Variants in FRK observed in about 807,000 individuals in gnomAD.
FRK encodes tyrosine-protein kinase FRK.
In FRK, 51 loss-of-function variants were observed where a neutral mutation model predicts 56.4. The ratio of observed to expected loss-of-function variants is 0.90; its 90% confidence interval spans 0.72 to 1.14. FRK has a LOEUF of 1.14. FRK is among the 50% of genes most tolerant of loss of function. The probability of loss-of-function intolerance (pLI) is 0.00; values close to 1 mark genes in which losing one functional copy is unlikely to be tolerated. For missense variants in FRK, 570 were observed against 601.4 expected, an observed-to-expected ratio of 0.95 and a Z score of 0.55; for synonymous variants, 245 against 217.9, an observed-to-expected ratio of 1.12 and a Z score of -1.10.
At chr6:115,980,327 ATTATC>A (rs1249826778) in intron 2 of FRK, among the ~76,000 whole-genome samples, 1 of 152,162 alleles carries the variant, frequency 6.6e-6, no homozygotes, top group African/African-American at 2.4e-5. Flanking sequence ...AATTGTAAAA[ATTATC>A]TAGCAGCAAG....
chr6:115,982,371 C>T (rs1319851952), intron 2 of FRK, among the ~76,000 whole-genome samples: 3 of 152,136 alleles, frequency 2.0e-5, no homozygotes, highest in Non-Finnish European at 4.4e-5. Flanking sequence ...TGGGACCTCT[C>T]AGCCTCCACA....
At chr6:115,977,623 A>G (rs1674582972) in intron 2 of FRK, among the ~76,000 whole-genome samples, 1 of 152,160 alleles carries the variant, frequency 6.6e-6, no homozygotes, top group African/African-American at 2.4e-5. Context: ...CAGGGTTGTT[A>G]CTGGTCAAGA....
chr6:116,004,078 T>C, intron 1 of FRK, 80 bp from the exon 2 acceptor site: 2 of 1,253,048 alleles, frequency 1.6e-6, no homozygotes, highest in East Asian at 4.7e-5. Flanking sequence ...CAAGATAGTA[T>C]TCTAATATCA....
the FRK span, among the ~76,000 whole-genome samples, chr6:116,094,320 C>T: frequency 5.7e-3 from 872 of 152,298 alleles, 32 homozygotes; most frequent in East Asian, 0.095. Context: ...CACTGAGCCC[C>T]GGGTACATTT....
At chr6:116,030,398 T>A (rs1776259453) in intron 1 of FRK, among the ~76,000 whole-genome samples, 1 of 152,148 alleles carries the variant, frequency 6.6e-6, no homozygotes, top group African/African-American at 2.4e-5. Context: ...AGCGCTCCTA[T>A]CACTCAGAAA....
Position 115,956,575 on chromosome 6 carries a change from G to A in FRK, c.835C>T (p.Gln279Ter), listed in dbSNP as rs1773002430. 2 of 1,585,376 alleles carry A rather than the reference G, an allele frequency of 1.3e-6. No individual in the cohort carries two copies. The highest frequency in any genetic ancestry group is 1.7e-6 in the Non-Finnish European group (2 of 1,167,034). The change falls in exon 5 of 8, where the codon CAG becomes TAG. Residue 279 changes from glutamine to a stop codon, truncating the protein, a stop_gained. Transcript: ENST00000606080. LOFTEE classifies it high-confidence loss of function. Reference sequence around the variant, plus strand: ...GGATGTCTTAGGTTCTTCATTATCTGTGCCTCCCTCAGGAAGTCATTTGGA... The same window carrying A: ...GGATGTCTTAGGTTCTTCATTATCTATGCCTCCCTCAGGAAGTCATTTGGA... ...MDPNDFLREAQIMKNLRHPKL... is the reference protein window; with the variant it reads ...MDPNDFLREA
Position 116,044,610 on chromosome 6 carries a change from A to G in FRK, c.344+15358T>C, listed in dbSNP as rs542122561. ...AAAATAATAAGAGCGATTTATGACAAACCCACAGCCAATATCATACTGAAC... is the reference window on the plus strand; with the variant it reads ...AAAATAATAAGAGCGATTTATGACAGACCCACAGCCAATATCATACTGAAC... On this transcript the variant is annotated intron_variant, in intron 1 of 7. Coordinates refer to ENST00000606080, the MANE Select transcript of FRK (RefSeq NM_002031.3). Among the ~76,000 whole-genome samples the G allele has an allele frequency of 7.2e-5, 11 of 152,328 alleles. No homozygotes were observed. In the South Asian group the frequency reaches 2.3e-3, roughly 32 times the overall value.
intron 1 of FRK, among the ~76,000 whole-genome samples, chr6:116,004,608 A>G (rs1163371957): frequency 1.3e-5 from 2 of 152,224 alleles, no homozygotes; most frequent in African/African-American, 2.4e-5. Flanking sequence ...ATTATCTGAA[A>G]AAGATACATC....
chr6:115,935,294 G>A lies in FRK; in HGVS notation c.*7120C>T, dbSNP rs1429527872. 6.6e-6 allele frequency: 1 copy of A among 152,380 alleles called. No homozygotes were observed. The highest frequency in any genetic ancestry group is 2.4e-5 in the African/African-American group (1 of 41,462). 9.4% of individuals were successfully genotyped at this position (152,380 alleles called of 1,614,324 possible). A position where few individuals can be genotyped will look rare whatever the true frequency, so the allele number is the denominator to read the frequency against. On this transcript the variant is annotated 3_prime_UTR_variant, in exon 8 of 8. Transcript: ENST00000606080. Reference sequence around the variant, plus strand: ...AGGGAAGCCATGAGGGACTGTACCTGAGGAACGGTGCACTCCAGCCCAGAT... The same window carrying A: ...AGGGAAGCCATGAGGGACTGTACCTAAGGAACGGTGCACTCCAGCCCAGAT...
the FRK span, among the ~76,000 whole-genome samples, chr6:116,085,215 A>G: frequency 6.6e-6 from 1 of 152,202 alleles, no homozygotes; most frequent in Non-Finnish European, 1.5e-5. Context: ...TTTTAAAGAA[A>G]TGGGAAGTGT....
At chr6:116,055,357 A>C (rs1777350013) in intron 1 of FRK, among the ~76,000 whole-genome samples, 1 of 152,204 alleles carries the variant, frequency 6.6e-6, no homozygotes, top group African/African-American at 2.4e-5. Context: ...AGTTACAAAT[A>C]TTTATTCTTG....
chr6:116,008,994 A>C (rs1775363087), intron 1 of FRK, among the ~76,000 whole-genome samples: 1 of 152,212 alleles, frequency 6.6e-6, no homozygotes, highest in African/African-American at 2.4e-5. Context: ...CAGCCTCCCA[A>C]GCCAGAGTAT....
chr6:115,992,989 G>A (rs556985047), intron 2 of FRK, among the ~76,000 whole-genome samples: 1 of 151,910 alleles, frequency 6.6e-6, no homozygotes, highest in Non-Finnish European at 1.5e-5. Flanking sequence ...ATTCGAGTAT[G>A]AACTCTAATA....
intron 1 of FRK, among the ~76,000 whole-genome samples, chr6:116,059,163 G>A (rs1034805300): frequency 2.0e-5 from 3 of 151,986 alleles, no homozygotes; most frequent in African/African-American, 7.3e-5. Context: ...TTGGAGGGGT[G>A]GTAGGTGGAT....
chr6:115,979,508 G>A (rs1774121059), intron 2 of FRK, among the ~76,000 whole-genome samples: 1 of 151,992 alleles, frequency 6.6e-6, no homozygotes, highest in South Asian at 2.1e-4. Flanking sequence ...GTAAGCTAAA[G>A]TTCATTTACC....
the FRK span, among the ~76,000 whole-genome samples, chr6:116,068,832 T>A: frequency 1.3e-5 from 2 of 150,954 alleles, no homozygotes; most frequent in South Asian, 2.1e-4. Flanking sequence ...TCAATTCAGG[T>A]TTAAAAAAAA....
intron 1 of FRK, among the ~76,000 whole-genome samples, chr6:116,017,892 C>A (rs1429607539): frequency 6.6e-6 from 1 of 152,192 alleles, no homozygotes; most frequent in Non-Finnish European, 1.5e-5. Context: ...CTGCCTCACA[C>A]TGGACCCCAC....
rs1775587249 is a variant in FRK, at chr6:116,014,743, G to GA, written c.345-10746dup. Reference sequence around the variant, plus strand: ...CCCTGAGCTCACCAGCAATATGAGGGAAAAAATGTGACTTGTTCTTTAAAA... The same window carrying GA: ...CCCTGAGCTCACCAGCAATATGAGGGAAAAAAATGTGACTTGTTCTTTAAAA... On this transcript the variant is annotated intron_variant, in intron 1 of 7. Transcript: ENST00000606080. 1.3e-5 allele frequency among the ~76,000 whole-genome samples: 2 copies of GA among 151,862 alleles called. 1 individual carries two copies. The highest frequency in any genetic ancestry group is 3.9e-4 in the East Asian group (2 of 5,182).
intron 1 of FRK, among the ~76,000 whole-genome samples, chr6:116,010,245 A>G (rs1264290111): frequency 2.0e-5 from 3 of 152,116 alleles, no homozygotes; most frequent in Non-Finnish European, 4.4e-5. Flanking sequence ...ACTAAAAATT[A>G]TATGTGCTTA....
Sources: allele counts gnomAD v4.1 joint callset (sites outside exome capture counted in the v4.1 genomes callset), GRCh38; gene constraint gnomAD v4.1.1; transcripts MANE v1.5; gene names NCBI Gene and HGNC (gene_info 2026-07-23, HGNC 2026-07-21).